Variants in TAS2R1 observed in about 807,000 individuals in gnomAD.
TAS2R1 encodes taste receptor type 2 member 1.
For missense variants in TAS2R1, 370 were observed against 353.4 expected, an observed-to-expected ratio of 1.05 and a Z score of -0.38; for synonymous variants, 141 against 134.2, an observed-to-expected ratio of 1.05 and a Z score of -0.35.
In TAS2R1 at chr5:9,629,656, A is replaced by C. The variant is rs1739830665; in HGVS notation, c.377T>G (p.Val126Gly). ...IWLKMRISKL[V>G]PWMILGSLLY... is the part of the protein sequence containing the mutation. Reference sequence around the variant, plus strand: ...CAGAGACCCCAGGATCATCCATGGGACCAGCTTGGATATCCTCATCTTCAA... The same window carrying C: ...CAGAGACCCCAGGATCATCCATGGGCCCAGCTTGGATATCCTCATCTTCAA... Residue 126 changes from valine (V) to glycine (G), a missense_variant, in exon 1 of 1, where the codon GTC becomes GGC. Physicochemically the swap from Val to Gly is moderately radical, Grantham distance 109 (BLOSUM62 -3). Coordinates refer to ENST00000382492, the MANE Select transcript of TAS2R1 (RefSeq NM_019599.3). The C allele has an allele frequency of 6.2e-7, 1 of 1,614,156 alleles. No individual in the cohort carries two copies. Among genetic ancestry groups the C allele is most frequent in the African/African-American group, 1.3e-5 (1 of 75,054 alleles).
chr5:9,850,861 T>G, the TAS2R1 span, among the ~76,000 whole-genome samples: 2 of 152,200 alleles, frequency 1.3e-5, no homozygotes, highest in East Asian at 3.8e-4. Context: ...TGCAAAGGAA[T>G]TGCCTTCATA....
At chr5:9,632,976 G>A (rs990071243), upstream of TAS2R1, among the ~76,000 whole-genome samples, 6 of 151,584 alleles carry the variant, frequency 4.0e-5, no homozygotes, top group Non-Finnish European at 5.9e-5. Flanking sequence ...ACTTTGCTCA[G>A]GTACATCAGA....
At chr5:9,773,246 T>C in the TAS2R1 span, among the ~76,000 whole-genome samples, 1 of 152,116 alleles carries the variant, frequency 6.6e-6, no homozygotes, top group African/African-American at 2.4e-5. Context: ...TATTTTAAGC[T>C]AATAACAACA....
chr5:9,792,999 A>G, the TAS2R1 span, among the ~76,000 whole-genome samples: 1 of 152,238 alleles, frequency 6.6e-6, no homozygotes, highest in Admixed American at 6.5e-5. Context: ...ATTCCATTGC[A>G]TATAAAAGAT....
upstream of TAS2R1, chr5:9,712,522 ATAGACGAAGGAATTCAGCC>A (rs1183196179): frequency 6.6e-6 from 1 of 152,230 alleles, no homozygotes; most frequent in African/African-American, 2.4e-5. Context: ...TGAGGCTTCT[ATAGACGAAGGAATTCAGCC>A]TCAAAACTGC....
the TAS2R1 span, among the ~76,000 whole-genome samples, chr5:9,892,188 C>A: frequency 2.6e-5 from 4 of 152,174 alleles, no homozygotes; most frequent in Admixed American, 2.6e-4. Flanking sequence ...TGTAGAGCAG[C>A]CAGCCTCTTG....
intron 1 of TAS2R1, among the ~76,000 whole-genome samples, chr5:9,695,653 G>A (rs995337906): frequency 2.0e-5 from 3 of 152,242 alleles, no homozygotes; most frequent in Non-Finnish European, 2.9e-5. Flanking sequence ...AGGTCTCCAC[G>A]ACTCTACCCC....
chr5:9,809,384 A>T, the TAS2R1 span, among the ~76,000 whole-genome samples: 1 of 152,158 alleles, frequency 6.6e-6, no homozygotes, highest in African/African-American at 2.4e-5. Context: ...TGATGGTATT[A>T]GTAGGTGGAG....
At chr5:9,746,496 G>A in the TAS2R1 span, among the ~76,000 whole-genome samples, 1 of 152,160 alleles carries the variant, frequency 6.6e-6, no homozygotes, top group Non-Finnish European at 1.5e-5. Flanking sequence ...ATTTATAATA[G>A]CAAAGACTTG....
chr5:9,746,074 A>G, the TAS2R1 span, among the ~76,000 whole-genome samples: 3 of 152,260 alleles, frequency 2.0e-5, no homozygotes, highest in African/African-American at 7.2e-5. Context: ...TTTTCAAGAA[A>G]AAAAACCAAC....
chr5:9,629,084 T>A lies in TAS2R1; in HGVS notation c.*49A>T, dbSNP rs1018466735. 1 of 1,491,568 alleles carries A rather than the reference T, an allele frequency of 6.7e-7. No homozygotes were observed. Among genetic ancestry groups the A allele is most frequent in the Non-Finnish European group, 8.9e-7 (1 of 1,120,676 alleles). 92.4% of individuals were successfully genotyped at this position (1,491,568 alleles called of 1,614,324 possible). A position where few individuals can be genotyped will look rare whatever the true frequency, so the allele number is the denominator to read the frequency against. Reference sequence around the variant, plus strand: ...CTGGCTGAGGGAAGTGTGGCAGGCATGGGTAAATCATTGAATCATGGGTTC... The same window carrying A: ...CTGGCTGAGGGAAGTGTGGCAGGCAAGGGTAAATCATTGAATCATGGGTTC... On this transcript the variant is annotated 3_prime_UTR_variant, in exon 1 of 1. Coordinates refer to ENST00000382492, the MANE Select transcript of TAS2R1 (RefSeq NM_019599.3).
chr5:9,764,313 A>G, the TAS2R1 span, among the ~76,000 whole-genome samples: 1 of 152,200 alleles, frequency 6.6e-6, no homozygotes, highest in Non-Finnish European at 1.5e-5. Context: ...CATCTGTAAC[A>G]CTCAGTTCTA....
the TAS2R1 span, among the ~76,000 whole-genome samples, chr5:9,717,998 TTGC>T: frequency 1.3e-5 from 2 of 152,230 alleles, no homozygotes; most frequent in Non-Finnish European, 2.9e-5. Context: ...TCTCACTCTG[TTGC>T]CACGCTGGAG....
chr5:9,674,124 T>C (rs1400443265), intron 1 of TAS2R1, among the ~76,000 whole-genome samples: 1 of 152,208 alleles, frequency 6.6e-6, no homozygotes, highest in African/African-American at 2.4e-5. Context: ...GATACAGAGA[T>C]TGAACATAGA....
At chr5:9,708,465 G>A (rs541904794) in intron 1 of TAS2R1, among the ~76,000 whole-genome samples, 32 of 152,256 alleles carry the variant, frequency 2.1e-4, no homozygotes, top group African/African-American at 6.5e-4. Context: ...ATATAATCAT[G>A]TCATAAGGCA....
the TAS2R1 span, among the ~76,000 whole-genome samples, chr5:9,787,238 G>A: frequency 6.6e-6 from 1 of 152,104 alleles, no homozygotes; most frequent in African/African-American, 2.4e-5. Flanking sequence ...TTGTAGTATT[G>A]AGAAATTTAT....
chr5:9,670,138 T>A (rs1006809302), intron 1 of TAS2R1, among the ~76,000 whole-genome samples: 7 of 151,772 alleles, frequency 4.6e-5, no homozygotes, highest in African/African-American at 1.7e-4. Context: ...TGCACACAAA[T>A]TAGAAAAACT....
At chr5:9,862,689 C>T in the TAS2R1 span, among the ~76,000 whole-genome samples, 1 of 152,074 alleles carries the variant, frequency 6.6e-6, no homozygotes, top group Non-Finnish European at 1.5e-5. Context: ...TACAACCTCT[C>T]CCCCATCTCT....
chr5:9,631,923 G>A (rs1280094048), upstream of TAS2R1, among the ~76,000 whole-genome samples: 1 of 152,174 alleles, frequency 6.6e-6, no homozygotes, highest in South Asian at 2.1e-4. Context: ...AAGCACCAAG[G>A]GAGGTGTTCA....
Sources: gnomAD v4.1 joint callset for allele counts (sites outside exome capture counted in the v4.1 genomes callset) on GRCh38, gnomAD v4.1.1 for gene constraint, MANE v1.5 for transcripts, NCBI Gene and HGNC (gene_info 2026-07-23, HGNC 2026-07-21) for gene names.